The following MINDY2 variants were observed in gnomAD, a reference collection of about 807,000 sequenced individuals.
MINDY2 encodes MINDY lysine 48 deubiquitinase 2.
A neutral mutation model predicts 68.2 loss-of-function variants in MINDY2; 52 were observed. The ratio of observed to expected loss-of-function variants is 0.76; its 90% CI spans 0.61 to 0.96. The LOEUF is 0.96. MINDY2 is among the 40% of genes least tolerant of loss of function. MINDY2 has a pLI of 0.00. For missense variants in MINDY2, 881 were observed against 773.4 expected (o/e 1.14, Z -1.65); for synonymous variants, 372 against 303.0 (o/e 1.23, Z -2.36).
At chr15:58,824,393 G>A (rs1241842690) in intron 5 of MINDY2, among the ~76,000 whole-genome samples, 1 of 151,938 alleles carries the variant, frequency 6.6e-6, no homozygotes, top group African/African-American at 2.4e-5. Flanking sequence ...ATATCTGCTG[G>A]GCATATTTAT....
At position 58,771,780 on chromosome 15, in the gene MINDY2, GC is replaced by G; in HGVS notation, c.386del (p.Ala129GlyfsTer15). On this transcript the variant is annotated frameshift_variant, in exon 1 of 9. Coordinates refer to ENST00000559228, the MANE Select transcript of MINDY2 (RefSeq NM_001040450.3). LOFTEE classifies it high-confidence loss of function. ...VGHELGTAGD[A>X]GARPDLAGTC... Reference sequence around the variant, plus strand: ...TCATGAGTTGGGTACCGCCGGAGACGCGGGAGCCCGCCCGGATCTCGCCGGC... The same window carrying G: ...TCATGAGTTGGGTACCGCCGGAGACGGGGAGCCCGCCCGGATCTCGCCGGC... 2 of 1,610,354 alleles carry G rather than the reference GC, an allele frequency of 1.2e-6. No individual in the cohort carries two copies. Among genetic ancestry groups the G allele is most frequent in the Non-Finnish European group, 1.7e-6 (2 of 1,179,062 alleles).
intron 3 of MINDY2, 38 bp from the exon 4 acceptor site, chr15:58,810,192 T>C: frequency 6.5e-7 from 1 of 1,543,338 alleles, no homozygotes; most frequent in Non-Finnish European, 8.8e-7. Flanking sequence ...CTCGTTTTGA[T>C]GTTTCTGAAT....
At chr15:58,828,156 CAAA>C (rs779627832) in intron 5 of MINDY2, among the ~76,000 whole-genome samples, 1 of 125,508 alleles carries the variant, frequency 8.0e-6, no homozygotes. Flanking sequence ...GACTCCATCT[CAAA>C]AAAAAAAAAA....
At chr15:58,775,082 A>T (rs987725605) in intron 1 of MINDY2, among the ~76,000 whole-genome samples, 7 of 152,192 alleles carry the variant, frequency 4.6e-5, no homozygotes, top group South Asian at 2.1e-4. Context: ...TTTTTATGAT[A>T]ATACTAAGAT....
rs140803554 is a variant in MINDY2, at chr15:58,821,566, G to C, written c.1123-151G>C. 3.4e-3 allele frequency: 1,075 copies of C among 319,186 alleles called. 8 individuals are homozygous for C. The highest frequency in any genetic ancestry group is 0.021 in the African/African-American group (962 of 45,550). 19.8% of individuals were successfully genotyped at this position (319,186 alleles called of 1,614,324 possible). A position where few individuals can be genotyped will look rare whatever the true frequency, so the allele number is the denominator to read the frequency against. ...GCTGTAAACAAACTTGGAAACTGTTGGGTGTTGATTTTAGTGCTGATTTTG... is the reference window on the plus strand; with the variant it reads ...GCTGTAAACAAACTTGGAAACTGTTCGGTGTTGATTTTAGTGCTGATTTTG... On this transcript the variant is annotated intron_variant, in intron 4 of 8. Coordinates refer to ENST00000559228, the MANE Select transcript of MINDY2 (RefSeq NM_001040450.3).
chr15:58,821,867 A>G, intron 5 of MINDY2, 48 bp downstream of exon 5: 1 of 1,263,626 alleles, frequency 7.9e-7, no homozygotes, highest in East Asian at 2.7e-5. Context: ...TTGGCAAGAT[A>G]ATTTTTCTTA....
At chr15:58,803,764 C>T (rs764714447) in intron 3 of MINDY2, among the ~76,000 whole-genome samples, 3 of 151,686 alleles carry the variant, frequency 2.0e-5, no homozygotes, top group South Asian at 4.2e-4. Context: ...TGCAGTGAGC[C>T]GAGATTGCGT....
chr15:58,812,851 C>G (rs1191435137), intron 4 of MINDY2, among the ~76,000 whole-genome samples: 1 of 152,126 alleles, frequency 6.6e-6, no homozygotes, highest in Non-Finnish European at 1.5e-5. Context: ...GAGCGAGACC[C>G]TGTCTCAAAA....
intron 4 of MINDY2, among the ~76,000 whole-genome samples, chr15:58,810,620 A>C (rs562656314): frequency 7.2e-5 from 11 of 152,310 alleles, no homozygotes; most frequent in African/African-American, 2.4e-4. Flanking sequence ...GGAAGAGCTC[A>C]TAGAAGACCA....
chr15:58,798,672 A>G (rs1213595100), intron 2 of MINDY2, among the ~76,000 whole-genome samples: 2 of 151,740 alleles, frequency 1.3e-5, no homozygotes, highest in Non-Finnish European at 2.9e-5. Context: ...GCCAGGCTGG[A>G]TTCAAACTCC....
At chr15:58,772,718 G>A (rs967699331) in intron 1 of MINDY2, among the ~76,000 whole-genome samples, 8 of 151,984 alleles carry the variant, frequency 5.3e-5, no homozygotes, top group Admixed American at 2.6e-4. Context: ...GAATGGTGAT[G>A]GGGAAGATGT....
At chr15:58,837,075 A>G (rs2032029122) in intron 6 of MINDY2, among the ~76,000 whole-genome samples, 1 of 152,152 alleles carries the variant, frequency 6.6e-6, no homozygotes, top group Admixed American at 6.5e-5. Flanking sequence ...ATGCTAAATA[A>G]AATTTAGGGA....
chr15:58,832,421 G>A (rs1179167581), intron 6 of MINDY2, among the ~76,000 whole-genome samples: 1 of 151,438 alleles, frequency 6.6e-6, no homozygotes, highest in African/African-American at 2.4e-5. Context: ...GAGAGATGGG[G>A]TTTCTCCATG....
intron 6 of MINDY2, among the ~76,000 whole-genome samples, chr15:58,837,968 C>CAA (rs34909401): frequency 0.012 from 922 of 75,026 alleles, 9 homozygotes; most frequent in African/African-American, 0.039. Context: ...GACCTTCTTT[C>CAA]AAAAAAAAAA....
At chr15:58,841,236 G>A (rs927510683) in intron 6 of MINDY2, among the ~76,000 whole-genome samples, 1 of 151,850 alleles carries the variant, frequency 6.6e-6, no homozygotes, top group African/African-American at 2.4e-5. Context: ...ACCCACCTCA[G>A]CCTCCCAAAG....
chr15:58,784,581 T>C (rs934251431), intron 1 of MINDY2, among the ~76,000 whole-genome samples: 5 of 151,866 alleles, frequency 3.3e-5, no homozygotes, highest in African/African-American at 1.2e-4. Flanking sequence ...AGGTCATAGT[T>C]GATTTGTCAT....
At chr15:58,849,706 G>A (rs1290292765) in intron 7 of MINDY2, among the ~76,000 whole-genome samples, 1 of 152,156 alleles carries the variant, frequency 6.6e-6, no homozygotes, top group African/African-American at 2.4e-5. Flanking sequence ...CCATGAGATA[G>A]TCATGCTATA....
chr15:58,814,270 C>G (rs2030522960), intron 4 of MINDY2, among the ~76,000 whole-genome samples: 1 of 152,140 alleles, frequency 6.6e-6, no homozygotes, highest in Non-Finnish European at 1.5e-5. Context: ...GCTAATGATG[C>G]TGAACATCTT....
intron 5 of MINDY2, among the ~76,000 whole-genome samples, chr15:58,830,969 T>C (rs143056967): frequency 9.8e-4 from 148 of 151,490 alleles, no homozygotes; most frequent in African/African-American, 3.5e-3. Context: ...GATGAACTTG[T>C]AGATATGAAC....
Sources: allele counts gnomAD v4.1 joint callset (sites outside exome capture counted in the v4.1 genomes callset), GRCh38; gene constraint gnomAD v4.1.1; transcripts MANE v1.5; gene names NCBI Gene and HGNC (gene_info 2026-07-23, HGNC 2026-07-21).